The following KATNIP variants were observed in gnomAD, a reference collection of about 807,000 sequenced individuals.
The protein encoded by KATNIP is katanin interacting protein.
In KATNIP, 126 loss-of-function variants were observed where a neutral mutation model predicts 174.0. That is an observed-to-expected ratio of 0.72 (90% confidence interval 0.63 to 0.84). The LOEUF is 0.84. Ranked by LOEUF, KATNIP falls within the 40% of genes least tolerant of loss-of-function variation. The pLI is 0.00. For synonymous variants in KATNIP, 810 were observed against 835.7 expected (o/e 0.97, Z 0.53); for missense variants, 1,958 against 2,109.7 (o/e 0.93, Z 1.41).
intron 4 of KATNIP, among the ~76,000 whole-genome samples, chr16:27,630,393 A>C (rs972970264): frequency 6.6e-6 from 1 of 152,268 alleles, no homozygotes; most frequent in Non-Finnish European, 1.5e-5. Context: ...GTAAGATCCC[A>C]AGCCATTAAT....
At chr16:27,692,846 T>C (rs2142924289) in intron 8 of KATNIP, among the ~76,000 whole-genome samples, 1 of 152,288 alleles carries the variant, frequency 6.6e-6, no homozygotes, top group East Asian at 1.9e-4. Context: ...GAGCAGCATC[T>C]CACTCAACCA....
chr16:27,736,998 C>CGAGGGGAT (rs1382724040), intron 14 of KATNIP, among the ~76,000 whole-genome samples: 1 of 152,056 alleles, frequency 6.6e-6, no homozygotes, highest in Non-Finnish European at 1.5e-5. Context: ...GACGAGGGGA[C>CGAGGGGAT]GGCAAGCTTT....
chr16:27,649,584 G>A (rs2077059755), intron 6 of KATNIP, among the ~76,000 whole-genome samples: 1 of 152,154 alleles, frequency 6.6e-6, no homozygotes, highest in African/African-American at 2.4e-5. Context: ...TTGAACTCCT[G>A]GGCTCAAGCC....
chr16:27,719,619 G>A (rs369066381), intron 13 of KATNIP, among the ~76,000 whole-genome samples: 4 of 151,538 alleles, frequency 2.6e-5, no homozygotes, highest in East Asian at 3.9e-4. Context: ...GACCTCAAAT[G>A]ATCCACCCGC....
intron 2 of KATNIP, among the ~76,000 whole-genome samples, chr16:27,594,002 A>G (rs1039812792): frequency 9.2e-5 from 14 of 152,024 alleles, no homozygotes; most frequent in Non-Finnish European, 2.1e-4. Flanking sequence ...CATTTTACAA[A>G]TAAAAGTGAG....
At chr16:27,627,865 G>A (rs2076380187) in intron 3 of KATNIP, among the ~76,000 whole-genome samples, 1 of 152,172 alleles carries the variant, frequency 6.6e-6, no homozygotes, top group African/African-American at 2.4e-5. Flanking sequence ...GCGTCCAATG[G>A]AAGCAGTTCT....
chr16:27,554,547 G>C (rs62029085), intron 1 of KATNIP, among the ~76,000 whole-genome samples: 1 of 152,126 alleles, frequency 6.6e-6, no homozygotes, highest in East Asian at 1.9e-4. Context: ...CCTTCTCCCA[G>C]GATCTGCACC....
intron 14 of KATNIP, among the ~76,000 whole-genome samples, chr16:27,730,025 T>TA (rs1026143565): frequency 8.5e-5 from 13 of 152,230 alleles, no homozygotes; most frequent in Non-Finnish European, 2.9e-5. Flanking sequence ...TCAGCACTGA[T>TA]ACGCTGCCTG....
intron 15 of KATNIP, among the ~76,000 whole-genome samples, chr16:27,745,127 G>A (rs2081242826): frequency 6.6e-6 from 1 of 152,058 alleles, no homozygotes; most frequent in African/African-American, 2.4e-5. Context: ...TTTCATCAGG[G>A]GTCAGTTGTT....
At chr16:27,773,330 G>C in intron 23 of KATNIP, 121 bp downstream of exon 23, 1 of 655,012 alleles carries the variant, frequency 1.5e-6, no homozygotes, top group Non-Finnish European at 2.6e-6. Context: ...GAGCCCAGGG[G>C]GCTTTGCTTA....
chr16:27,720,417 G>A (rs1029628702), intron 13 of KATNIP, among the ~76,000 whole-genome samples: 4 of 151,268 alleles, frequency 2.6e-5, no homozygotes, highest in African/African-American at 9.7e-5. Context: ...AAGCTTTAAT[G>A]AAAGGGCAGA....
chr16:27,626,247 A>G (rs141466408), intron 3 of KATNIP, among the ~76,000 whole-genome samples: 1 of 144,896 alleles, frequency 6.9e-6, no homozygotes, highest in East Asian at 2.1e-4. Context: ...TAGAGTCTTC[A>G]TAATGATAAC....
At chr16:27,705,326 G>C (rs62029140) in intron 12 of KATNIP, among the ~76,000 whole-genome samples, 1 of 151,852 alleles carries the variant, frequency 6.6e-6, no homozygotes, top group Non-Finnish European at 1.5e-5. Context: ...ACTACTGGCC[G>C]GTGAGGACTT....
At chr16:27,619,369 A>T (rs1567501908) in intron 3 of KATNIP, among the ~76,000 whole-genome samples, 1 of 152,246 alleles carries the variant, frequency 6.6e-6, no homozygotes, top group South Asian at 2.1e-4. Flanking sequence ...AATGAATTCA[A>T]GTGAAAGCAC....
At chr16:27,734,415 AAGGCCAGG>A (rs1363089054) in intron 14 of KATNIP, among the ~76,000 whole-genome samples, 1 of 149,612 alleles carries the variant, frequency 6.7e-6, no homozygotes, top group East Asian at 2.0e-4. Flanking sequence ...AAAAAAAAAA[AAGGCCAGG>A]TGCAGTGGTT....
At chr16:27,609,464 C>T (rs569731710) in intron 2 of KATNIP, among the ~76,000 whole-genome samples, 82 of 138,074 alleles carry the variant, frequency 5.9e-4, no homozygotes, top group African/African-American at 2.1e-3. Context: ...GATCTCAGCT[C>T]ACTGCAAGCT....
At chr16:27,638,340 G>A (rs1023760170) in intron 5 of KATNIP, among the ~76,000 whole-genome samples, 1 of 152,186 alleles carries the variant, frequency 6.6e-6, no homozygotes, top group Non-Finnish European at 1.5e-5. Flanking sequence ...CATTATTACC[G>A]TCATGAGGAA....
At chr16:27,736,877 G>A (rs566288795) in intron 14 of KATNIP, among the ~76,000 whole-genome samples, 1 of 152,298 alleles carries the variant, frequency 6.6e-6, no homozygotes, top group African/African-American at 2.4e-5. Context: ...GGAGACCCTG[G>A]TGGCCCAGGC....
chr16:27,734,270 A>G (rs2080814257), intron 14 of KATNIP, among the ~76,000 whole-genome samples: 1 of 151,800 alleles, frequency 6.6e-6, no homozygotes, highest in South Asian at 2.1e-4. Flanking sequence ...TTTAATAGAG[A>G]CAGCGTTTCT....
Sources: gnomAD v4.1 joint callset for allele counts (sites outside exome capture counted in the v4.1 genomes callset) on GRCh38, gnomAD v4.1.1 for gene constraint, MANE v1.5 for transcripts, NCBI Gene and HGNC (gene_info 2026-07-23, HGNC 2026-07-21) for gene names.